The following TATDN2 variants were observed in gnomAD, a reference collection of about 807,000 sequenced individuals.
TATDN2 encodes 3'-5' RNA nuclease TATDN2.
Under a neutral mutation model 60.3 loss-of-function variants are expected in TATDN2, and 44 were observed. The ratio of observed to expected loss-of-function variants is 0.73; its 90% CI spans 0.57 to 0.94. TATDN2 has a LOEUF of 0.94. TATDN2 is among the 40% of genes least tolerant of loss of function. TATDN2 has a pLI of 0.00. For synonymous variants in TATDN2, 399 were observed against 355.8 expected (o/e 1.12, Z -1.37); for missense variants, 997 against 948.0 (o/e 1.05, Z -0.68).
Position 10,270,855 on chromosome 3 carries a change from G to C in TATDN2, c.1673G>C (p.Trp558Ser). 1 of 1,614,106 alleles carries C rather than the reference G, an allele frequency of 6.2e-7. No homozygotes were observed. The highest frequency in any genetic ancestry group is 8.5e-7 in the Non-Finnish European group (1 of 1,179,958). ...GAGCTGTTGAAAGAGGATCTGGTCT[G>C]GGGGGCCTTTGGCTGTCACCCTCAT... ...WEELLKEDLV[W>S]GAFGCHPHFA... Residue 558 changes from tryptophan to serine, a missense_variant, in exon 4 of 8, where the codon TGG (tryptophan) becomes TCG (serine). Physicochemically the swap from Trp to Ser is radical, Grantham distance 177. Coordinates refer to ENST00000448281, the MANE Select transcript of TATDN2 (RefSeq NM_014760.4).
Position 10,270,401 on chromosome 3 carries a change from C to G in TATDN2, c.1219C>G (p.Gln407Glu). The change falls in exon 4 of 8, where the codon CAG (glutamine) becomes GAG (glutamate). Residue 407 changes from glutamine (Q) to glutamate (E), a missense_variant. Gln to Glu is a conservative substitution (Grantham distance 29). Coordinates refer to ENST00000448281, the MANE Select transcript of TATDN2 (RefSeq NM_014760.4). ...STGSSSNDAA[Q>E]VGKSSRSRMS... ...AGGCAGCAGCAGCAACGATGCAGCC[C>G]AGGTTGGGAAGAGCAGCCGGAGCCG... 1 of 1,614,210 alleles carries G rather than the reference C, an allele frequency of 6.2e-7. No homozygotes were observed. The highest frequency in any genetic ancestry group is 1.3e-5 in the African/African-American group (1 of 75,044).
Position 10,260,258 on chromosome 3 carries a change from G to C in TATDN2, c.536G>C (p.Arg179Pro). The part of the protein sequence containing the change: ...KVQKRKRDRL[R>P]DQGSTMIYLK... ...CAGAAAAGGAAGAGGGATAGACTTC[G>C]AGACCAGGGCTCCACAATGATCTAC... is the stretch of plus-strand genomic sequence containing the variant. The change falls in exon 3 of 8, where the codon CGA becomes CCA. Residue 179 changes from arginine (R) to proline (P), a missense_variant. By Grantham distance (103) the Arg-to-Pro change is moderately radical. Transcript: ENST00000448281. The C allele has an allele frequency of 6.2e-7, 1 of 1,614,152 alleles. No homozygotes were observed. The highest frequency in any genetic ancestry group is 8.5e-7 in the Non-Finnish European group (1 of 1,180,040).
intron 3 of TATDN2, among the ~76,000 whole-genome samples, chr3:10,268,509 T>C (rs1576013051): frequency 6.6e-6 from 1 of 152,216 alleles, no homozygotes; most frequent in Non-Finnish European, 1.5e-5. Flanking sequence ...TAAGAAGAAA[T>C]GATGGCACTT....
At chr3:10,264,871 G>T (rs1465636690) in intron 3 of TATDN2, among the ~76,000 whole-genome samples, 2 of 151,666 alleles carry the variant, frequency 1.3e-5, no homozygotes, top group African/African-American at 2.4e-5. Flanking sequence ...AAGGGACGGG[G>T]TTTCATTTTG....
rs1029792491 is a variant in TATDN2 at position 10,273,579 on chromosome 3, G to T, written c.1833+2564G>T. 1.4e-4 allele frequency among the ~76,000 whole-genome samples: 20 copies of T among 143,638 alleles called. No homozygotes were observed. The Admixed American group carries it at 1.4e-3, about 10-fold the overall frequency. 94.2% of individuals were successfully genotyped at this position (143,638 alleles called of 152,430 possible). ...AAGATGAGCCAAGGCAACATAGTGA[G>T]ACCCCATCTTTATTACATTAAAAAA... On this transcript the variant is annotated intron_variant, in intron 4 of 7. Coordinates refer to ENST00000448281, the MANE Select transcript of TATDN2 (RefSeq NM_014760.4).
intron 7 of TATDN2, 42 bp downstream of exon 7, chr3:10,279,105 A>G (rs1698685146): frequency 3.3e-6 from 5 of 1,531,484 alleles, no homozygotes; most frequent in Non-Finnish European, 4.4e-6. Context: ...AACCAGGACA[A>G]GTCTTTTGTT....
intron 2 of TATDN2, among the ~76,000 whole-genome samples, chr3:10,255,007 T>TCCCCCC (rs1559459455): frequency 2.9e-5 from 2 of 68,802 alleles, no homozygotes; most frequent in Admixed American, 1.5e-4. Context: ...TCCTTCCCAC[T>TCCCCCC]TCCCACTCCC....
At chr3:10,266,973 C>T (rs1314623374) in intron 3 of TATDN2, among the ~76,000 whole-genome samples, 1 of 143,510 alleles carries the variant, frequency 7.0e-6, no homozygotes, top group East Asian at 2.2e-4. Flanking sequence ...CTCTATCACC[C>T]AGGTTGGAGT....
At chr3:10,275,478 C>T (rs147847493) in intron 4 of TATDN2, among the ~76,000 whole-genome samples, 1,892 of 152,204 alleles carry the variant, frequency 0.012, 39 homozygotes, top group African/African-American at 0.043. Flanking sequence ...CCGGGCATGG[C>T]GGCTCATGCC....
chr3:10,275,697 A>G (rs1208636619), intron 4 of TATDN2, among the ~76,000 whole-genome samples: 1 of 152,144 alleles, frequency 6.6e-6, no homozygotes, highest in Non-Finnish European at 1.5e-5. Context: ...AGTGAGCTGC[A>G]ATTGCACCAC....
At chr3:10,276,337 G>A (rs1489731703) in intron 4 of TATDN2, 24 bp from the exon 5 acceptor site, 3 of 1,612,658 alleles carry the variant, frequency 1.9e-6, no homozygotes, top group Non-Finnish European at 1.7e-6. Flanking sequence ...AACCAACAGG[G>A]GTTGTCGCTG....
At chr3:10,250,459 C>T (rs1373743373) in intron 2 of TATDN2, among the ~76,000 whole-genome samples, 7 of 151,720 alleles carry the variant, frequency 4.6e-5, no homozygotes, top group Non-Finnish European at 1.0e-4. Flanking sequence ...AGAAGTTCTG[C>T]CTGTGGAGGA....
At chr3:10,250,789 A>T (rs1016310290) in intron 2 of TATDN2, among the ~76,000 whole-genome samples, 2 of 152,206 alleles carry the variant, frequency 1.3e-5, no homozygotes, top group Admixed American at 1.3e-4. Flanking sequence ...ATTTGTCTCA[A>T]ATCAGGTAAG....
In TATDN2 at chr3:10,280,740, T is replaced by C. The variant is rs920083664; in HGVS notation, c.*1558T>C. Reference sequence around the variant, plus strand: ...TCTTCACGGATTAGCTGTGCTGTTATGTTGTCTGTGCTGCAGATTGGCCCA... The same window carrying C: ...TCTTCACGGATTAGCTGTGCTGTTACGTTGTCTGTGCTGCAGATTGGCCCA... On this transcript the variant is annotated 3_prime_UTR_variant, in exon 8 of 8. Coordinates refer to ENST00000448281, the MANE Select transcript of TATDN2 (RefSeq NM_014760.4). 3.9e-5 allele frequency: 6 copies of C among 153,852 alleles called. No individual in the cohort carries two copies. The highest frequency in any genetic ancestry group is 9.6e-5 in the African/African-American group (4 of 41,470). 9.5% of individuals were successfully genotyped at this position (153,852 alleles called of 1,614,324 possible). A position where few individuals can be genotyped will look rare whatever the true frequency, so the allele number is the denominator to read the frequency against.
chr3:10,249,384 G>A lies in TATDN2; in HGVS notation c.184G>A (p.Asp62Asn). Residue 62 changes from aspartate (D) to asparagine (N), a missense_variant, in exon 2 of 8, where the codon GAT (aspartate) becomes AAT (asparagine). Transcript: ENST00000448281. ...GCGCCTGAAAGCCCAGAAGGAGGACGATGTGGCTTGCTCGCGGAGGTTATC... is the reference window on the plus strand; with the variant it reads ...GCGCCTGAAAGCCCAGAAGGAGGACAATGTGGCTTGCTCGCGGAGGTTATC... ...PKRLKAQKED[D>N]VACSRRLSWG... is the part of the protein sequence containing the mutation. 6.2e-7 allele frequency: 1 copy of A among 1,613,232 alleles called. No homozygotes were observed. Among genetic ancestry groups the A allele is most frequent in the Non-Finnish European group, 8.5e-7 (1 of 1,179,674 alleles).
intron 3 of TATDN2, among the ~76,000 whole-genome samples, chr3:10,262,375 G>A (rs943873080): frequency 6.6e-6 from 1 of 152,224 alleles, no homozygotes; most frequent in African/African-American, 2.4e-5. Flanking sequence ...TCTTGAGAAA[G>A]GGTACATGGA....
chr3:10,274,793 G>A (rs1002551689), intron 4 of TATDN2, among the ~76,000 whole-genome samples: 7 of 152,116 alleles, frequency 4.6e-5, no homozygotes. Context: ...ATTGGTATTG[G>A]CTTAGTGTTG....
Position 10,270,111 on chromosome 3 carries a change from G to T in TATDN2, c.949-20G>T, listed in dbSNP as rs770408691. 1 of 1,596,320 alleles carries T rather than the reference G, an allele frequency of 6.3e-7. No individual in the cohort carries two copies. Among genetic ancestry groups the T allele is most frequent in the Admixed American group, 1.7e-5 (1 of 58,910 alleles). ...CACATCGGAAGGCTAACCCACTGTT[G>T]TATGCCTTCTTTTCTGCAGCATAAA... is the stretch of plus-strand genomic sequence containing the variant. On this transcript the variant is annotated intron_variant, in intron 3 of 7. Transcript: ENST00000448281.
intron 3 of TATDN2, among the ~76,000 whole-genome samples, chr3:10,266,306 T>C (rs2125177500): frequency 6.6e-6 from 1 of 152,362 alleles, no homozygotes; most frequent in South Asian, 2.1e-4. Context: ...TAGATCATCT[T>C]ACTTGGTTGC....
Sources: allele counts gnomAD v4.1 joint callset (sites outside exome capture counted in the v4.1 genomes callset), GRCh38; gene constraint gnomAD v4.1.1; transcripts MANE v1.5; gene names NCBI Gene and HGNC (gene_info 2026-07-23, HGNC 2026-07-21).